Variants in CHCHD3 observed in about 807,000 individuals in gnomAD.
The protein encoded by CHCHD3 is coiled-coil-helix-coiled-coil-helix domain containing 3.
A neutral mutation model predicts 38.2 loss-of-function variants in CHCHD3; 20 were observed. The observed-to-expected ratio is 0.52, with a 90% CI of 0.37 to 0.76. The LOEUF (loss-of-function observed/expected upper bound fraction) is 0.76, where lower values mean the gene tolerates loss of function less well. Among genes scored for constraint, CHCHD3 ranks in the 30% least tolerant of loss-of-function variants. The pLI is 0.00. For missense variants in CHCHD3, 245 were observed against 279.2 expected (o/e 0.88, Z 0.87); for synonymous variants, 82 against 100.0 (o/e 0.82, Z 1.07).
At chr7:132,951,714 A>C (rs1396122534) in intron 4 of CHCHD3, among the ~76,000 whole-genome samples, 5 of 152,248 alleles carry the variant, frequency 3.3e-5, no homozygotes, top group African/African-American at 4.8e-5. Flanking sequence ...ATATTTATTA[A>C]GAAATATAGA....
At chr7:132,839,366 A>T (rs1278293919) in intron 5 of CHCHD3, among the ~76,000 whole-genome samples, 1 of 152,150 alleles carries the variant, frequency 6.6e-6, no homozygotes, top group Non-Finnish European at 1.5e-5. Flanking sequence ...AACAACATAA[A>T]CCAAGATGCA....
At chr7:133,070,642 TC>T (rs1814795038) in intron 1 of CHCHD3, among the ~76,000 whole-genome samples, 1 of 140,788 alleles carries the variant, frequency 7.1e-6, no homozygotes, top group Non-Finnish European at 1.5e-5. Context: ...CTCCCCTCCC[TC>T]CCTCCCTCCT....
At chr7:132,818,819 A>C (rs527881492) in intron 6 of CHCHD3, among the ~76,000 whole-genome samples, 2 of 152,262 alleles carry the variant, frequency 1.3e-5, no homozygotes, top group African/African-American at 4.8e-5. Flanking sequence ...TGTAATAAAT[A>C]CTCCATCATG....
chr7:132,915,705 G>T (rs1810084541), intron 4 of CHCHD3, among the ~76,000 whole-genome samples: 1 of 152,122 alleles, frequency 6.6e-6, no homozygotes, highest in South Asian at 2.1e-4. Flanking sequence ...CTTGTGCTCT[G>T]ATTTCTTTTC....
chr7:133,039,280 T>C (rs1813762806), intron 2 of CHCHD3, among the ~76,000 whole-genome samples: 1 of 152,212 alleles, frequency 6.6e-6, no homozygotes, highest in Non-Finnish European at 1.5e-5. Flanking sequence ...CAATGACAAA[T>C]GACAGGACAC....
At chr7:132,916,203 G>GT (rs941111928) in intron 4 of CHCHD3, among the ~76,000 whole-genome samples, 2 of 152,206 alleles carry the variant, frequency 1.3e-5, no homozygotes, top group Admixed American at 6.5e-5. Context: ...AATCCATTAT[G>GT]TGTAGTTCCA....
intron 3 of CHCHD3, among the ~76,000 whole-genome samples, chr7:132,979,251 T>C (rs1422101464): frequency 3.9e-5 from 6 of 152,234 alleles, no homozygotes; most frequent in Non-Finnish European, 1.5e-5. Context: ...ATCTCCCAGC[T>C]TGATACTGTT....
intron 4 of CHCHD3, among the ~76,000 whole-genome samples, chr7:132,960,432 T>A (rs959762025): frequency 6.6e-6 from 1 of 152,160 alleles, no homozygotes; most frequent in African/African-American, 2.4e-5. Context: ...TTCTTTTTGA[T>A]GCCTCCAGGG....
chr7:132,858,214 C>T (rs1471619773), intron 5 of CHCHD3, among the ~76,000 whole-genome samples: 2 of 152,036 alleles, frequency 1.3e-5, no homozygotes, highest in Non-Finnish European at 2.9e-5. Context: ...AGGCACACTC[C>T]ACCACGCCTG....
intron 4 of CHCHD3, among the ~76,000 whole-genome samples, chr7:132,941,547 T>C (rs1054175072): frequency 2.6e-5 from 4 of 152,208 alleles, no homozygotes; most frequent in African/African-American, 7.2e-5. Flanking sequence ...TTGCAGTCAA[T>C]GTTTAATTCT....
chr7:132,997,303 A>C (rs2117383400), intron 3 of CHCHD3, among the ~76,000 whole-genome samples: 1 of 152,306 alleles, frequency 6.6e-6, no homozygotes, highest in African/African-American at 2.4e-5. Context: ...ATTCCAAAAA[A>C]ATCTATGTAA....
At chr7:132,836,119 A>ATT (rs148748759) in intron 6 of CHCHD3, among the ~76,000 whole-genome samples, 6 of 147,124 alleles carry the variant, frequency 4.1e-5, no homozygotes, top group South Asian at 2.2e-4. Flanking sequence ...CATGTGTCTG[A>ATT]TTTTTTTTTT....
At chr7:132,798,023 G>C (rs981896608) in intron 6 of CHCHD3, among the ~76,000 whole-genome samples, 1 of 151,694 alleles carries the variant, frequency 6.6e-6, no homozygotes, top group Non-Finnish European at 1.5e-5. Context: ...AAATTTAATG[G>C]GTTCAAACAA....
At chr7:133,041,176 T>G (rs1033468528) in intron 2 of CHCHD3, among the ~76,000 whole-genome samples, 4 of 152,212 alleles carry the variant, frequency 2.6e-5, no homozygotes, top group Non-Finnish European at 5.9e-5. Context: ...CTTGCTTGTA[T>G]AGTGGGAATT....
intron 4 of CHCHD3, among the ~76,000 whole-genome samples, chr7:132,945,366 G>A (rs1039532656): frequency 6.6e-6 from 1 of 151,818 alleles, no homozygotes; most frequent in Non-Finnish European, 1.5e-5. Context: ...TATTTTTGTG[G>A]TAAATAAATA....
At chr7:132,974,480 T>C (rs185673594) in intron 4 of CHCHD3, among the ~76,000 whole-genome samples, 1 of 152,092 alleles carries the variant, frequency 6.6e-6, no homozygotes, top group Non-Finnish European at 1.5e-5. Context: ...TTTGCCAGAG[T>C]CTTCCAGACT....
At chr7:132,889,586 G>C (rs1287738021) in intron 4 of CHCHD3, among the ~76,000 whole-genome samples, 1 of 152,074 alleles carries the variant, frequency 6.6e-6, no homozygotes, top group Non-Finnish European at 1.5e-5. Flanking sequence ...TATTTCCTAA[G>C]ACCCAACACC....
intron 3 of CHCHD3, among the ~76,000 whole-genome samples, chr7:132,997,449 A>G (rs111279342): frequency 0.019 from 2,846 of 152,198 alleles, 103 homozygotes; most frequent in African/African-American, 0.064. Context: ...CTGTCACTGT[A>G]CCAAAAAAAA....
chr7:132,936,274 A>T (rs995639492), intron 4 of CHCHD3, among the ~76,000 whole-genome samples: 1 of 152,180 alleles, frequency 6.6e-6, no homozygotes, highest in African/African-American at 2.4e-5. Flanking sequence ...ATAAAGTACT[A>T]AAGAACAGGG....
Sources: gnomAD v4.1 joint callset for allele counts (sites outside exome capture counted in the v4.1 genomes callset) on GRCh38, gnomAD v4.1.1 for gene constraint, MANE v1.5 for transcripts, NCBI Gene and HGNC (gene_info 2026-07-23, HGNC 2026-07-21) for gene names.